The following DIXDC1 variants were observed in gnomAD, a reference collection of about 807,000 sequenced individuals.
DIXDC1 encodes dixin.
A neutral mutation model predicts 103.1 loss-of-function variants in DIXDC1; 64 were observed. The observed-to-expected ratio is 0.62, with a 90% CI of 0.51 to 0.76. The LOEUF is 0.76. DIXDC1 is among the 30% of genes least tolerant of loss of function. The pLI, the probability that DIXDC1 is intolerant of heterozygous loss-of-function variation, is 0.00. For missense variants in DIXDC1, 759 were observed against 834.2 expected (o/e 0.91, Z 1.11); for synonymous variants, 266 against 298.5 (o/e 0.89, Z 1.12).
At chr11:111,944,931 G>A (rs188554893) in intron 1 of DIXDC1, among the ~76,000 whole-genome samples, 1 of 152,318 alleles carries the variant, frequency 6.6e-6, no homozygotes, top group East Asian at 1.9e-4. Context: ...ACTGAGATTA[G>A]TTCAACACTG....
chr11:111,937,469 G>A lies in DIXDC1; in HGVS notation c.-31G>A. 1.9e-6 allele frequency: 3 copies of A among 1,563,522 alleles called. No homozygotes were observed. The highest frequency in any genetic ancestry group is 2.6e-6 in the Non-Finnish European group (3 of 1,154,618). On this transcript the variant is annotated 5_prime_UTR_variant, in exon 1 of 20. Transcript: ENST00000440460. The stretch of plus-strand genomic sequence containing the variant: ...AGGCGGCGGCGGCCGCCGGGCTGGA[G>A]ACCCCGCCCGGGGAGCCCCCAGCAG...
chr11:111,993,411 C>G lies in DIXDC1; in HGVS notation c.1273-85C>G, dbSNP rs375336419. The G allele has an allele frequency of 1.6e-5, 24 of 1,461,098 alleles. No individual in the cohort carries two copies. In the South Asian group the frequency reaches 1.7e-4, roughly 11 times the overall value. 90.5% of individuals were successfully genotyped at this position (1,461,098 alleles called of 1,614,324 possible). A position where few individuals can be genotyped will look rare whatever the true frequency, so the allele number is the denominator to read the frequency against. Reference sequence around the variant, plus strand: ...CTTTTTTTCCTGAGGCTCTACTTTACTTGAGTGGAAGTTACACTGCAGAGG... The same window carrying G: ...CTTTTTTTCCTGAGGCTCTACTTTAGTTGAGTGGAAGTTACACTGCAGAGG... On this transcript the variant is annotated intron_variant, in intron 12 of 19. Transcript: ENST00000440460.
At chr11:111,993,419 GA>G (rs1320336213) in intron 12 of DIXDC1, 76 bp from the exon 13 acceptor site, 3 of 1,512,276 alleles carry the variant, frequency 2.0e-6, no homozygotes, top group Non-Finnish European at 1.8e-6. Flanking sequence ...TACTTGAGTG[GA>G]AGTTACACTG....
At chr11:112,013,691 A>G (rs1286302430) in intron 17 of DIXDC1, among the ~76,000 whole-genome samples, 1 of 152,144 alleles carries the variant, frequency 6.6e-6, no homozygotes, top group Non-Finnish European at 1.5e-5. Context: ...GGTCTTTCAA[A>G]TTCATCCCTT....
In DIXDC1 at chr11:111,958,782, A is replaced by C. The variant is rs1388838680; in HGVS notation, c.61-5767A>C. 2.6e-5 allele frequency among the ~76,000 whole-genome samples: 4 copies of C among 152,142 alleles called. No homozygotes were observed. The highest frequency in any genetic ancestry group is 4.4e-5 in the Non-Finnish European group (3 of 68,020). On this transcript the variant is annotated intron_variant, in intron 1 of 19. Coordinates refer to ENST00000440460, the MANE Select transcript of DIXDC1 (RefSeq NM_001037954.4). The surrounding 1 kb of genome is among the most constrained non-coding windows in gnomAD (Gnocchi z 4.2). ...GCCTACCCATGGCCACCCATGAACC[A>C]ATCAGTACACACTTCCTCCCCTTTG...
chr11:111,973,043 A>G (rs1340115746), intron 3 of DIXDC1, among the ~76,000 whole-genome samples: 4 of 139,360 alleles, frequency 2.9e-5, no homozygotes, highest in African/African-American at 8.1e-5. Context: ...TGGGGGAAAA[A>G]AAAAAAGAGT....
chr11:112,011,808 G>A (rs113357296), intron 17 of DIXDC1, among the ~76,000 whole-genome samples: 8,706 of 151,990 alleles, frequency 0.057, 684 homozygotes, highest in African/African-American at 0.18. Context: ...TGTCGTGGAG[G>A]GGGGGACGGG....
chr11:111,930,849 CTTTTTTTTTT>C (rs782075106), intron 2 of DIXDC1, among the ~76,000 whole-genome samples: 4 of 116,828 alleles, frequency 3.4e-5, no homozygotes, highest in African/African-American at 3.7e-5. Context: ...TCTTTCTTTC[CTTTTTTTTTT>C]TTTTTTTTTT....
intron 6 of DIXDC1, 99 bp downstream of exon 6, chr11:111,980,948 C>A: frequency 1.1e-6 from 1 of 946,940 alleles, no homozygotes; most frequent in Non-Finnish European, 1.6e-6. Flanking sequence ...TTCCCCATCT[C>A]CATGGTCTGT....
chr11:111,996,058 T>G, intron 16 of DIXDC1, 22 bp from the exon 17 acceptor site: 1 of 1,612,368 alleles, frequency 6.2e-7, no homozygotes, highest in Non-Finnish European at 8.5e-7. Flanking sequence ...ATAACTCTTG[T>G]GATTTTTGTG....
At chr11:111,978,203 T>A (rs997061740) in intron 5 of DIXDC1, among the ~76,000 whole-genome samples, 2 of 152,228 alleles carry the variant, frequency 1.3e-5, no homozygotes, top group African/African-American at 4.8e-5. Context: ...TCAGTCATTC[T>A]CTGACCTCAG....
intron 10 of DIXDC1, among the ~76,000 whole-genome samples, chr11:111,991,851 A>G (rs907573995): frequency 2.6e-5 from 4 of 152,242 alleles, no homozygotes; most frequent in Admixed American, 2.0e-4. Flanking sequence ...TCTGGAAGCC[A>G]GCATGGGAGT....
upstream of DIXDC1, among the ~76,000 whole-genome samples, chr11:111,936,429 G>A (rs1361722500): frequency 2.6e-5 from 4 of 152,116 alleles, no homozygotes; most frequent in Non-Finnish European, 5.9e-5. Flanking sequence ...AATGCACCAG[G>A]ACATTTTTGC....
intron 14 of DIXDC1, 38 bp from the exon 15 acceptor site, chr11:111,994,981 C>T (rs1555175150): frequency 6.3e-7 from 1 of 1,582,012 alleles, no homozygotes; most frequent in Admixed American, 1.7e-5. Context: ...GTTTACAATT[C>T]TCCCTTTAAC....
chr11:111,994,484 T>TAC (rs1228040614), intron 14 of DIXDC1, among the ~76,000 whole-genome samples: 1 of 151,262 alleles, frequency 6.6e-6, no homozygotes, highest in Admixed American at 6.6e-5. Flanking sequence ...TACATATATA[T>TAC]ACACACACAT....
At chr11:111,954,657 T>G (rs1046251497) in intron 1 of DIXDC1, among the ~76,000 whole-genome samples, 1 of 152,188 alleles carries the variant, frequency 6.6e-6, no homozygotes, top group African/African-American at 2.4e-5. Context: ...GGGACAACCT[T>G]ATACAAATAC....
At chr11:112,002,875 T>A (rs1196493473) in intron 17 of DIXDC1, among the ~76,000 whole-genome samples, 1 of 152,128 alleles carries the variant, frequency 6.6e-6, no homozygotes, top group Non-Finnish European at 1.5e-5. Context: ...GAAAAAAATA[T>A]ATATATGCAA....
chr11:111,931,619 G>A (rs1566442369), intron 2 of DIXDC1, among the ~76,000 whole-genome samples: 1 of 152,028 alleles, frequency 6.6e-6, no homozygotes, highest in South Asian at 2.1e-4. Context: ...CTCCAGCCTG[G>A]GTGACAGATT....
At chr11:111,968,701 G>A in intron 3 of DIXDC1, 63 bp downstream of exon 3, 1 of 1,472,416 alleles carries the variant, frequency 6.8e-7, no homozygotes, top group East Asian at 2.4e-5. Flanking sequence ...CTAGCCTCAG[G>A]AAAATCCTTG....
Sources: gnomAD v4.1 joint callset for allele counts (sites outside exome capture counted in the v4.1 genomes callset) on GRCh38, gnomAD v4.1.1 for gene constraint, Gnocchi (gnomAD v3.1) non-coding constraint, MANE v1.5 for transcripts, NCBI Gene and HGNC (gene_info 2026-07-23, HGNC 2026-07-21) for gene names.